Variants in BAG3 observed in about 807,000 individuals in gnomAD.
The protein encoded by BAG3 is BAG family molecular chaperone regulator 3.
Under a neutral mutation model 40.5 loss-of-function variants are expected in BAG3, and 14 were observed. That is an observed-to-expected ratio of 0.35 (90% CI 0.23 to 0.54). BAG3 has a LOEUF of 0.54. Ranked by LOEUF, BAG3 falls within the 20% of genes least tolerant of loss-of-function variation. The pLI is 0.91. For synonymous variants in BAG3, 302 were observed against 307.8 expected (o/e 0.98, Z 0.20); for missense variants, 788 against 758.6 (o/e 1.04, Z -0.46).
Position 119,676,458 on chromosome 10 carries a change from T to C in BAG3, c.910-6T>C. The C allele has an allele frequency of 6.2e-7, 1 of 1,614,082 alleles. No individual in the cohort carries two copies. Among genetic ancestry groups the C allele is most frequent in the Non-Finnish European group, 8.5e-7 (1 of 1,179,964 alleles). On this transcript the variant is annotated splice_region_variant and splice_polypyrimidine_tract_variant and intron_variant, in intron 3 of 3. Transcript: ENST00000369085. ...TTAAAAATATATTTTTGTGTCCTTT[T>C]TTCAGCAGCCCATGACCCATCGAGA...
Position 119,676,723 on chromosome 10 carries a change from T to C in BAG3, c.1169T>C (p.Val390Ala), listed in dbSNP as rs1421913723. ...PSAVPSSPKS[V>A]ATEERAAPST... ...GCTGTCCCCTCTTCCCCCAAGAGTG[T>C]GGCTACAGAAGAGAGGGCAGCCCCC... is the stretch of plus-strand genomic sequence containing the variant. The change falls in exon 4 of 4, where the codon GTG (valine) becomes GCG (alanine). Residue 390 changes from valine (V) to alanine (A), a missense_variant. Val to Ala is a moderately conservative substitution (Grantham distance 64). Coordinates refer to ENST00000369085, the MANE Select transcript of BAG3 (RefSeq NM_004281.4). 1.9e-6 allele frequency: 3 copies of C among 1,613,962 alleles called. No homozygotes were observed. Among genetic ancestry groups the C allele is most frequent in the Non-Finnish European group, 2.5e-6 (3 of 1,180,006 alleles).
In BAG3 at chr10:119,677,450, T is replaced by G; in HGVS notation, c.*168T>G. 1 of 808,306 alleles carries G rather than the reference T, an allele frequency of 1.2e-6. No homozygotes were observed. The highest frequency in any genetic ancestry group is 2.0e-6 in the Non-Finnish European group (1 of 488,268). The allele number at this position is 808,306 out of a possible 1,614,324, so 50.1% of individuals were successfully genotyped here. A position where few individuals can be genotyped will look rare whatever the true frequency, so the allele number is the denominator to read the frequency against. On this transcript the variant is annotated 3_prime_UTR_variant, in exon 4 of 4. Transcript: ENST00000369085. ...AAAGGGCTAAAAAGGAAAATGATGC[T>G]TTTCTTCTATATTCTTACTCTGTAC...
At chr10:119,675,774 TCCCTCCC>T (rs1847211717) in intron 3 of BAG3, among the ~76,000 whole-genome samples, 1 of 79,040 alleles carries the variant, frequency 1.3e-5, no homozygotes, top group Admixed American at 1.3e-4. Flanking sequence ...CTTCCCTCCT[TCCCTCCC>T]CCTCCCTTCC....
chr10:119,666,013 G>A (rs551066429), intron 1 of BAG3, among the ~76,000 whole-genome samples: 49 of 152,262 alleles, frequency 3.2e-4, no homozygotes, highest in Middle Eastern at 3.4e-3. Flanking sequence ...CAGCTGTGCC[G>A]GCAGGCTTGG....
chr10:119,664,178 C>T (rs893236909), intron 1 of BAG3, among the ~76,000 whole-genome samples: 2 of 152,198 alleles, frequency 1.3e-5, no homozygotes, highest in Non-Finnish European at 2.9e-5. Flanking sequence ...ACGAGCCCAA[C>T]AGCTCACCAA....
Position 119,670,123 on chromosome 10 carries a change from T to C in BAG3, c.453T>C (p.Cys151=). The change falls in exon 2 of 4, where the codon TGT becomes TGC. Residue 151 remains cysteine (C), a synonymous_variant. Coordinates refer to ENST00000369085, the MANE Select transcript of BAG3 (RefSeq NM_004281.4). ...AAACCACTCAGCCAGATAAACAGTG[T>C]GGACAGGTGGCAGCGGCGGCGGCAG... ...MPETTQPDKQ[C]GQVAAAAAAQ... 6.2e-7 allele frequency: 1 copy of C among 1,613,080 alleles called. No homozygotes were observed. The highest frequency in any genetic ancestry group is 1.1e-5 in the South Asian group (1 of 91,066).
At chr10:119,675,790 C>CCTG (rs1847214020) in intron 3 of BAG3, among the ~76,000 whole-genome samples, 1 of 21,810 alleles carries the variant, frequency 4.6e-5, no homozygotes, top group Non-Finnish European at 1.0e-4. Flanking sequence ...CCCCTCCCTT[C>CCTG]CCCCCTTCCC....
At chr10:119,673,670 G>A (rs958558279) in intron 3 of BAG3, among the ~76,000 whole-genome samples, 2 of 152,086 alleles carry the variant, frequency 1.3e-5, no homozygotes, top group Non-Finnish European at 2.9e-5. Flanking sequence ...CACTGGCCAG[G>A]GCCCTGGAAT....
At position 119,677,549 on chromosome 10, in the gene BAG3, C is replaced by A. The variant is rs552025009; in HGVS notation, c.*267C>A. ...TGTTCTGCAGCCCTGTCTACTTGGG[C>A]ACCCCCACCACCTGTTAGCTGTGGT... is the stretch of plus-strand genomic sequence containing the variant. On this transcript the variant is annotated 3_prime_UTR_variant, in exon 4 of 4. Transcript: ENST00000369085. 5.1e-4 allele frequency: 275 copies of A among 535,730 alleles called. No homozygotes were observed. The highest frequency in any genetic ancestry group is 4.9e-3 in the African/African-American group (257 of 52,570). The allele number at this position is 535,730 out of a possible 1,614,324, so 33.2% of individuals were successfully genotyped here. A position where few individuals can be genotyped will look rare whatever the true frequency, so the allele number is the denominator to read the frequency against.
In BAG3 at chr10:119,676,965, G is replaced by A. The variant is rs778496291; in HGVS notation, c.1411G>A (p.Glu471Lys). The A allele has an allele frequency of 1.7e-5, 28 of 1,614,144 alleles. No homozygotes were observed. The highest frequency in any genetic ancestry group is 3.3e-5 in the Admixed American group (2 of 60,022). ...GCTGGCCCTGGATTCAGTGGACCCC[G>A]AGGGACGAGCCGATGTGCGTCAGGC... is the stretch of plus-strand genomic sequence containing the variant. ...ELLALDSVDPEGRADVRQARR... is the reference protein window; with the variant it reads ...ELLALDSVDPKGRADVRQARR... Residue 471 changes from glutamate to lysine, a missense_variant, in exon 4 of 4, where the codon GAG becomes AAG. Glu to Lys is a moderately conservative substitution (Grantham distance 56, BLOSUM62 1). Coordinates refer to ENST00000369085, the MANE Select transcript of BAG3 (RefSeq NM_004281.4).
At chr10:119,676,424 A>G in intron 3 of BAG3, 40 bp from the exon 4 acceptor site, 1 of 1,600,748 alleles carries the variant, frequency 6.2e-7, no homozygotes, top group Non-Finnish European at 8.6e-7. Context: ...TGTGACTTTC[A>G]GTCAGTTATT....
rs540766880 is a variant in BAG3, at chr10:119,663,731, T to C, written c.181-6120T>C. Among the ~76,000 whole-genome samples the C allele has an allele frequency of 3.9e-5, 6 of 152,118 alleles. No individual in the cohort carries two copies. In the South Asian group the frequency reaches 1.2e-3, roughly 32 times the overall value. On this transcript the variant is annotated intron_variant, in intron 1 of 3. Coordinates refer to ENST00000369085, the MANE Select transcript of BAG3 (RefSeq NM_004281.4). Reference sequence around the variant, plus strand: ...GATTTCTGTGACATTAACTTTTCCTTGTTTGGGGGCTTGTATAGCTGTTGA... The same window carrying C: ...GATTTCTGTGACATTAACTTTTCCTCGTTTGGGGGCTTGTATAGCTGTTGA...
rs1265687476 is a variant in BAG3 at position 119,676,646 on chromosome 10, G to A, written c.1092G>A (p.Val364=). Residue 364 remains valine (V), a synonymous_variant, in exon 4 of 4, where the codon GTG becomes GTA. Transcript: ENST00000369085. ...CACCTCCCTCTGAGAAGGTAGAGGT[G>A]AAAGTTCCCCCTGCTCCAGTTCCTT... is the stretch of plus-strand genomic sequence containing the variant. The part of the protein sequence containing the change: ...KPPPPSEKVE[V]KVPPAPVPCP... 6.2e-7 allele frequency: 1 copy of A among 1,614,162 alleles called. No homozygotes were observed. Among genetic ancestry groups the A allele is most frequent in the South Asian group, 1.1e-5 (1 of 91,086 alleles).
chr10:119,656,407 G>A (rs1846912081), intron 1 of BAG3, among the ~76,000 whole-genome samples: 3 of 143,528 alleles, frequency 2.1e-5, no homozygotes, highest in African/African-American at 7.8e-5. Flanking sequence ...TTGAGACGGA[G>A]TCGCACTTTG....
rs1321998749 is a variant in BAG3, at chr10:119,677,459, A to G, written c.*177A>G. 9 of 781,274 alleles carry G rather than the reference A, an allele frequency of 1.2e-5. No individual in the cohort carries two copies. Among genetic ancestry groups the G allele is most frequent in the African/African-American group, 6.9e-5 (4 of 58,118 alleles). The allele number at this position is 781,274 out of a possible 1,614,324, so 48.4% of individuals were successfully genotyped here. A position where few individuals can be genotyped will look rare whatever the true frequency, so the allele number is the denominator to read the frequency against. ...AAAAGGAAAATGATGCTTTTCTTCT[A>G]TATTCTTACTCTGTACAAATAAAGA... On this transcript the variant is annotated 3_prime_UTR_variant, in exon 4 of 4. Transcript: ENST00000369085.
rs532756757 is a variant in BAG3, at chr10:119,654,206, T to C, written c.180+2351T>C. Among the ~76,000 whole-genome samples, 27 of 152,294 alleles carry C rather than the reference T, an allele frequency of 1.8e-4. No individual in the cohort carries two copies. The South Asian group carries it at 2.5e-3, about 14-fold the overall frequency. On this transcript the variant is annotated intron_variant, in intron 1 of 3. Coordinates refer to ENST00000369085, the MANE Select transcript of BAG3 (RefSeq NM_004281.4). The stretch of plus-strand genomic sequence containing the variant: ...CTTGAATATCATTTTGTATTTGAAA[T>C]TGGCTTCTCAATGCATAATGAGAAA...
In BAG3 at chr10:119,677,050, T is replaced by A; in HGVS notation, c.1496T>A (p.Ile499Asn). Residue 499 changes from isoleucine to asparagine, a missense_variant, in exon 4 of 4, where the codon ATT becomes AAT. Ile to Asn is a moderately radical substitution (Grantham distance 149). Transcript: ENST00000369085. The stretch of plus-strand genomic sequence containing the variant: ...TTGGAAAAACTTGAACAGAAAGCCA[T>A]TGATGTCCCAGGTCAAGTCCAGGTC... The part of the protein sequence containing the change: ...TILEKLEQKA[I>N]DVPGQVQVYE... The A allele has an allele frequency of 1.2e-6, 2 of 1,614,110 alleles. No individual in the cohort carries two copies. The highest frequency in any genetic ancestry group is 2.7e-5 in the African/African-American group (2 of 75,014).
At chr10:119,659,873 A>G (rs1301011163) in intron 1 of BAG3, among the ~76,000 whole-genome samples, 1 of 151,676 alleles carries the variant, frequency 6.6e-6, no homozygotes, top group East Asian at 1.9e-4. Flanking sequence ...GATAGTTTCC[A>G]TCTGTGATTT....
At position 119,676,682 on chromosome 10, in the gene BAG3, C is replaced by T. The variant is rs1847240297; in HGVS notation, c.1128C>T (p.Pro376=). 6.2e-7 allele frequency: 1 copy of T among 1,614,210 alleles called. No individual in the cohort carries two copies. The change falls in exon 4 of 4, where the codon CCC becomes CCT. Residue 376 remains proline, a synonymous_variant. Coordinates refer to ENST00000369085, the MANE Select transcript of BAG3 (RefSeq NM_004281.4). ...VPPAPVPCPP[P]SPGPSAVPSS... ...CTGCTCCAGTTCCTTGTCCTCCTCC[C>T]AGCCCTGGCCCTTCTGCTGTCCCCT... is the stretch of plus-strand genomic sequence containing the variant.
Sources: allele counts gnomAD v4.1 joint callset (sites outside exome capture counted in the v4.1 genomes callset), GRCh38; gene constraint gnomAD v4.1.1; transcripts MANE v1.5; gene names NCBI Gene and HGNC (gene_info 2026-07-23, HGNC 2026-07-21).